The following FBXL5 variants were observed in gnomAD, a reference collection of about 807,000 sequenced individuals.
FBXL5 encodes the protein F-box/LRR-repeat protein 5.
Under a neutral mutation model 78.3 loss-of-function variants are expected in FBXL5, and 26 were observed. The ratio of observed to expected loss-of-function variants is 0.33; its 90% CI spans 0.24 to 0.46. FBXL5 has a LOEUF of 0.46. Ranked by LOEUF, FBXL5 falls within the 20% of genes least tolerant of loss-of-function variation. The pLI, the probability that FBXL5 is intolerant of heterozygous loss-of-function variation, is 1.00. For synonymous variants in FBXL5, 295 were observed against 282.5 expected, an observed-to-expected ratio of 1.04 and a Z score of -0.45; for missense variants, 710 against 829.2, an observed-to-expected ratio of 0.86 and a Z score of 1.77.
upstream of FBXL5, among the ~76,000 whole-genome samples, chr4:15,661,058 CAG>C (rs1717286761): frequency 6.7e-6 from 1 of 149,712 alleles, no homozygotes; most frequent in South Asian, 2.1e-4. Context: ...GCCTGGGTGA[CAG>C]AGCAAGGCTC....
chr4:15,658,287 G>T (rs1717119098), upstream of FBXL5, among the ~76,000 whole-genome samples: 1 of 152,242 alleles, frequency 6.6e-6, no homozygotes, highest in Non-Finnish European at 1.5e-5. Flanking sequence ...TACCAGAGTT[G>T]ATCCTTACTG....
chr4:15,611,392 G>C (rs1722253111), intron 10 of FBXL5, among the ~76,000 whole-genome samples: 2 of 152,018 alleles, frequency 1.3e-5, no homozygotes, highest in Non-Finnish European at 2.9e-5. Flanking sequence ...ATCTTAAGGT[G>C]AACTGGGCAC....
At chr4:15,678,986 A>G (rs769925179) in intron 1 of FBXL5, among the ~76,000 whole-genome samples, 54 of 152,062 alleles carry the variant, frequency 3.6e-4, no homozygotes, top group Admixed American at 1.3e-4. Flanking sequence ...CACAAACTAC[A>G]TTGATAATAG....
At chr4:15,616,370 CA>C (rs1339367986) in intron 9 of FBXL5, among the ~76,000 whole-genome samples, 1 of 93,280 alleles carries the variant, frequency 1.1e-5, no homozygotes, top group East Asian at 3.9e-4. Flanking sequence ...CCACACAGCC[CA>C]AAAGGCAGGT....
chr4:15,621,578 G>C (rs192463735), intron 9 of FBXL5, among the ~76,000 whole-genome samples: 1 of 152,184 alleles, frequency 6.6e-6, no homozygotes, highest in East Asian at 1.9e-4. Context: ...TACATGCTAC[G>C]ATGTGAATAA....
chr4:15,616,174 G>A (rs1306028512), intron 9 of FBXL5, among the ~76,000 whole-genome samples: 1 of 151,962 alleles, frequency 6.6e-6, no homozygotes, highest in Non-Finnish European at 1.5e-5. Flanking sequence ...AACATCAGGA[G>A]GGACAGACTC....
chr4:15,665,705 C>G (rs997162887), intron 1 of FBXL5, among the ~76,000 whole-genome samples: 1 of 152,006 alleles, frequency 6.6e-6, no homozygotes, highest in Admixed American at 6.6e-5. Context: ...GCAGAAATAA[C>G]GTTTATCTGA....
chr4:15,657,521 CCA>C (rs1410757798), upstream of FBXL5, among the ~76,000 whole-genome samples: 1 of 152,192 alleles, frequency 6.6e-6, no homozygotes, highest in African/African-American at 2.4e-5. Flanking sequence ...AAAAGTCCAT[CCA>C]CACAGTTTCA....
intron 1 of FBXL5, among the ~76,000 whole-genome samples, chr4:15,665,421 T>C (rs918764893): frequency 6.6e-6 from 1 of 152,178 alleles, no homozygotes; most frequent in African/African-American, 2.4e-5. Flanking sequence ...AGCTCATTTC[T>C]TCTATCCTTA....
intron 1 of FBXL5, among the ~76,000 whole-genome samples, chr4:15,653,822 A>G: frequency 6.6e-6 from 1 of 152,198 alleles, no homozygotes; most frequent in East Asian, 1.9e-4. Flanking sequence ...CCTCAGCTGC[A>G]TACTGCACTC....
At chr4:15,643,961 C>A (rs1042988836) in intron 2 of FBXL5, among the ~76,000 whole-genome samples, 19 of 152,190 alleles carry the variant, frequency 1.2e-4, no homozygotes, top group Non-Finnish European at 1.5e-5. Context: ...AAGACTCTCA[C>A]CAAACCTGAG....
At chr4:15,663,693 CAT>C (rs1324119560), upstream of FBXL5, among the ~76,000 whole-genome samples, 1 of 152,186 alleles carries the variant, frequency 6.6e-6, no homozygotes, top group Non-Finnish European at 1.5e-5. Context: ...GTACCTGTCA[CAT>C]AATTTTTTTT....
chr4:15,655,150 C>A, intron 1 of FBXL5, 54 bp downstream of exon 1: 6 of 1,307,732 alleles, frequency 4.6e-6, no homozygotes, highest in Non-Finnish European at 6.0e-6. Context: ...GAACCCAGCC[C>A]GCTCCCCATC....
chr4:15,679,574 A>AC (rs1718129362), intron 1 of FBXL5, among the ~76,000 whole-genome samples: 1 of 151,538 alleles, frequency 6.6e-6, no homozygotes, highest in African/African-American at 2.4e-5. Context: ...AAAAAAAAAA[A>AC]AAACAAAAAA....
chr4:15,652,020 T>G (rs1716133037), intron 1 of FBXL5, among the ~76,000 whole-genome samples: 1 of 152,182 alleles, frequency 6.6e-6, no homozygotes, highest in South Asian at 2.1e-4. Flanking sequence ...CTGTAAACTT[T>G]TTGAGACTAG....
chr4:15,614,569 G>A (rs541026791), intron 9 of FBXL5, among the ~76,000 whole-genome samples: 2 of 152,280 alleles, frequency 1.3e-5, no homozygotes, highest in South Asian at 4.1e-4. Context: ...CTACCAGGGT[G>A]GGTAAAGACC....
intron 6 of FBXL5, among the ~76,000 whole-genome samples, chr4:15,630,170 T>C (rs965798712): frequency 1.3e-5 from 2 of 152,212 alleles, no homozygotes; most frequent in African/African-American, 4.8e-5. Context: ...ATGGCTACAT[T>C]AGTTTTTGTA....
upstream of FBXL5, chr4:15,656,159 G>T (rs545835156): frequency 2.2e-6 from 1 of 455,990 alleles, no homozygotes; most frequent in South Asian, 1.5e-5. Flanking sequence ...GAAGGTTGGT[G>T]CGGGAAAGAA....
intron 10 of FBXL5, among the ~76,000 whole-genome samples, chr4:15,610,494 CATTT>C (rs1425453647): frequency 6.6e-6 from 1 of 151,982 alleles, no homozygotes; most frequent in Non-Finnish European, 1.5e-5. Flanking sequence ...AAAAATCAAT[CATTT>C]ATCCAAAAAA....
Sources: allele counts gnomAD v4.1 joint callset (sites outside exome capture counted in the v4.1 genomes callset), GRCh38; gene constraint gnomAD v4.1.1; transcripts MANE v1.5; gene names NCBI Gene and HGNC (gene_info 2026-07-23, HGNC 2026-07-21).